GEN1: variants seen among roughly 807,000 people sequenced by gnomAD.
GEN1 encodes the protein GEN1 structure-specific endonuclease.
In GEN1, 64 loss-of-function variants were observed where a neutral mutation model predicts 67.6. The observed-to-expected ratio is 0.95, with a 90% confidence interval of 0.77 to 1.17. The LOEUF (loss-of-function observed/expected upper bound fraction) is 1.17. Ranked by LOEUF, GEN1 falls within the 50% of genes most tolerant of loss-of-function variation. The probability of loss-of-function intolerance (pLI) is 0.00; values close to 1 mark genes in which losing one functional copy is unlikely to be tolerated. For synonymous variants in GEN1, 371 were observed against 359.4 expected (o/e 1.03, Z -0.37); for missense variants, 1,058 against 1,048.3 (o/e 1.01, Z -0.13).
chr2:17,778,138 G>C, intron 12 of GEN1, 75 bp downstream of exon 12: 1 of 541,068 alleles, frequency 1.8e-6, no homozygotes, highest in Non-Finnish European at 3.4e-6. Flanking sequence ...TTGTATATGT[G>C]TATATATATA....
rs1672751261 is a variant in GEN1, at chr2:17,780,051, A to G, written c.1338A>G (p.Glu446=). Residue 446 remains glutamate (E), a synonymous_variant, in exon 13 of 14, where the codon GAA becomes GAG. Transcript: ENST00000381254. ...LLTIEEESLF[E]AAYPEIVAVY... is the part of the protein sequence containing the mutation. ...CAATTGAGGAAGAATCATTGTTTGAAGCAGCATATCCTGAGATCGTTGCTG... is the reference window on the plus strand; with the variant it reads ...CAATTGAGGAAGAATCATTGTTTGAGGCAGCATATCCTGAGATCGTTGCTG... 6.2e-7 allele frequency: 1 copy of G among 1,609,738 alleles called. No individual in the cohort carries two copies. Among genetic ancestry groups the G allele is most frequent in the African/African-American group, 1.3e-5 (1 of 74,976 alleles).
chr2:17,781,576 A>G lies in GEN1; in HGVS notation c.2364A>G (p.Lys788=), dbSNP rs1672837997. 1 of 1,613,962 alleles carries G rather than the reference A, an allele frequency of 6.2e-7. No individual in the cohort carries two copies. The highest frequency in any genetic ancestry group is 1.7e-5 in the Admixed American group (1 of 60,018). The change falls in exon 14 of 14, where the codon AAA becomes AAG. Residue 788 remains lysine, a synonymous_variant. Transcript: ENST00000381254. ...AAGTTGATATGCAAACCACTCGGAA[A>G]ATTTTAATGAAGAAGAGTGTTTGCC... The part of the protein sequence containing the change: ...SRKVDMQTTR[K]ILMKKSVCLD...
intron 13 of GEN1, 44 bp from the exon 14 acceptor site, chr2:17,780,577 C>T: frequency 7.8e-7 from 1 of 1,274,662 alleles, no homozygotes; most frequent in Non-Finnish European, 1.1e-6. Context: ...CAAGTTAAAG[C>T]AAAGAAAATA....
intron 8 of GEN1, 120 bp from the exon 9 acceptor site, chr2:17,772,976 G>A (rs1672264191): frequency 5.0e-6 from 4 of 803,830 alleles, no homozygotes; most frequent in Non-Finnish European, 8.0e-6. Context: ...AGGGAAGCTT[G>A]ACTGTTTGGG....
chr2:17,757,387 ATTT>A (rs949938846), intron 1 of GEN1, among the ~76,000 whole-genome samples: 1 of 144,848 alleles, frequency 6.9e-6, no homozygotes. Flanking sequence ...TTGCTGTTTT[ATTT>A]TTTTTTTTAC....
chr2:17,778,403 T>TAC (rs372434975), intron 12 of GEN1, among the ~76,000 whole-genome samples: 25,668 of 42,038 alleles, frequency 0.61, 10,672 homozygotes, highest in Middle Eastern at 0.83. Flanking sequence ...TATATGTATA[T>TAC]ACACACATAT....
intron 7 of GEN1, among the ~76,000 whole-genome samples, chr2:17,771,775 A>T (rs1472431801): frequency 7.7e-6 from 1 of 130,516 alleles, no homozygotes; most frequent in African/African-American, 2.5e-5. Flanking sequence ...GATCTTCTTC[A>T]TTAGTCTTGG....
At chr2:17,756,175 C>G (rs1387697920) in intron 1 of GEN1, among the ~76,000 whole-genome samples, 1 of 152,128 alleles carries the variant, frequency 6.6e-6, no homozygotes, top group Non-Finnish European at 1.5e-5. Flanking sequence ...AGGTCATACA[C>G]CTAATCAGTG....
chr2:17,784,316 T>C lies in GEN1; in HGVS notation c.*2377T>C, dbSNP rs544558690. ...CTACAATCAAAAAGATAATAACTAG[T>C]ATTGATGAGGATGTGGAGAAATTGA... On this transcript the variant is annotated 3_prime_UTR_variant, in exon 14 of 14. Coordinates refer to ENST00000381254, the MANE Select transcript of GEN1 (RefSeq NM_001130009.3). 1.3e-5 allele frequency: 2 copies of C among 152,214 alleles called. No individual in the cohort carries two copies. The highest frequency in any genetic ancestry group is 3.9e-4 in the East Asian group (2 of 5,182). The allele number at this position is 152,214 out of a possible 1,614,324, so 9.4% of individuals were successfully genotyped here.
chr2:17,760,077 T>C lies in GEN1; in HGVS notation c.134T>C (p.Met45Thr), dbSNP rs1671602870. 3 of 1,614,004 alleles carry C rather than the reference T, an allele frequency of 1.9e-6. No homozygotes were observed. Among genetic ancestry groups the C allele is most frequent in the African/African-American group, 2.7e-5 (2 of 74,936 alleles). Reference sequence around the variant, plus strand: ...GAGGCACAGACAGTCAAAAAAATGATGGGCAGCGTCATGAAGCCCCACCTC... The same window carrying C: ...GAGGCACAGACAGTCAAAAAAATGACGGGCAGCGTCATGAAGCCCCACCTC... The part of the protein sequence containing the change: ...VCEAQTVKKM[M>T]GSVMKPHLRN... Residue 45 changes from methionine to threonine, a missense_variant, in exon 2 of 14, where the codon ATG (methionine) becomes ACG (threonine). Transcript: ENST00000381254.
Position 17,782,056 on chromosome 2 carries a change from A to G in GEN1, c.*117A>G. The G allele has an allele frequency of 1.7e-6, 1 of 573,976 alleles. No individual in the cohort carries two copies. The highest frequency in any genetic ancestry group is 3.0e-6 in the Non-Finnish European group (1 of 333,684). 35.6% of individuals were successfully genotyped at this position (573,976 alleles called of 1,614,324 possible). On this transcript the variant is annotated 3_prime_UTR_variant, in exon 14 of 14. Transcript: ENST00000381254. ...ATTTTAATGTTCTCTGTGTCATGAA[A>G]CACTTGCCATTTTAATCAAAGTTGT...
intron 10 of GEN1, 66 bp from the exon 11 acceptor site, chr2:17,774,205 C>A: frequency 1.2e-6 from 1 of 813,598 alleles, no homozygotes; most frequent in Non-Finnish European, 1.8e-6. Flanking sequence ...ATATTAATAT[C>A]ACCTAGGAGT....
At chr2:17,755,148 A>G (rs1453633653) in intron 1 of GEN1, 1 of 152,254 alleles carries the variant, frequency 6.6e-6, no homozygotes, top group Non-Finnish European at 1.5e-5. Flanking sequence ...GGCCCTTGCC[A>G]TGGATCAACG....
chr2:17,763,010 T>C (rs1671757037), intron 3 of GEN1, among the ~76,000 whole-genome samples: 2 of 152,226 alleles, frequency 1.3e-5, no homozygotes, highest in African/African-American at 4.8e-5. Flanking sequence ...TTCATCTATT[T>C]TTAGTCTCCC....
chr2:17,788,078 C>T lies in GEN1; in HGVS notation c.*6139C>T, dbSNP rs11892418. ...CTAGTCGCCTTTAGCCACTTCAAGA[C>T]GCCCTGCCAAGATGCTTGCTTTCTG... On this transcript the variant is annotated 3_prime_UTR_variant, in exon 14 of 14. Transcript: ENST00000381254. 0.18 allele frequency: 27,177 copies of T among 152,098 alleles called. 3,476 individuals are homozygous for T. The highest frequency in any genetic ancestry group is 0.37 in the African/African-American group (15,344 of 41,430). The allele number at this position is 152,098 out of a possible 1,614,324, so 9.4% of individuals were successfully genotyped here.
chr2:17,774,875 A>C lies in GEN1; in HGVS notation c.1202+474A>C, dbSNP rs370572222. ...GCTAGGGTGGAATTTCTCTGTTCCT[A>C]TCAGGAGATTAGAGGCTGGGGTAGA... On this transcript the variant is annotated intron_variant, in intron 11 of 13. Transcript: ENST00000381254. Among the ~76,000 whole-genome samples, 10 of 152,184 alleles carry C rather than the reference A, an allele frequency of 6.6e-5. No homozygotes were observed. In the East Asian group the frequency reaches 1.4e-3, roughly 21 times the overall value.
Position 17,773,095 on chromosome 2 carries a change from G to A in GEN1, c.954-1G>A. On this transcript the variant is annotated splice_acceptor_variant, in intron 8 of 13. Coordinates refer to ENST00000381254, the MANE Select transcript of GEN1 (RefSeq NM_001130009.3). LOFTEE classifies it high-confidence loss of function. ...TAACATGTATATAATTTTTTTTTCA[G>A]GAAAGCTTGCTGTTGTGAGGGATTC... 1 of 1,570,474 alleles carries A rather than the reference G, an allele frequency of 6.4e-7. No homozygotes were observed.
At chr2:17,770,098 T>C (rs772767388) in intron 6 of GEN1, among the ~76,000 whole-genome samples, 1 of 152,156 alleles carries the variant, frequency 6.6e-6, no homozygotes, top group Non-Finnish European at 1.5e-5. Flanking sequence ...TAATTTGGCC[T>C]GGGTGTGAGT....
At chr2:17,778,258 A>ACATG (rs35008551) in intron 12 of GEN1, among the ~76,000 whole-genome samples, 195 bp downstream of exon 12, 2 of 24,834 alleles carry the variant, frequency 8.1e-5, no homozygotes, top group African/African-American at 2.1e-4. Context: ...GTATACACAC[A>ACATG]TATGTGTGTA....
Sources: gnomAD v4.1 joint callset for allele counts (sites outside exome capture counted in the v4.1 genomes callset) on GRCh38, gnomAD v4.1.1 for gene constraint, MANE v1.5 for transcripts, NCBI Gene and HGNC (gene_info 2026-07-23, HGNC 2026-07-21) for gene names.